Variants in PCDH15 observed in about 807,000 individuals in gnomAD.
PCDH15 encodes protocadherin-15.
PCDH15 carries 129 observed loss-of-function variants against 178.5 expected under a neutral mutation model. That is an observed-to-expected ratio of 0.72 (90% confidence interval 0.63 to 0.84). PCDH15 has a LOEUF of 0.84. Among genes scored for constraint, PCDH15 ranks in the 40% least tolerant of loss-of-function variants. The pLI is 0.00. For synonymous variants in PCDH15, 800 were observed against 732.0 expected (o/e 1.09, Z -1.50); for missense variants, 2,230 against 2,099.9 (o/e 1.06, Z -1.21).
intron 3 of PCDH15, among the ~76,000 whole-genome samples, chr10:54,460,408 A>C (rs1298828027): frequency 1.3e-5 from 2 of 152,096 alleles, no homozygotes; most frequent in Non-Finnish European, 2.9e-5. Flanking sequence ...GAAAGGAGTA[A>C]TATTACCATA....
chr10:53,902,845 T>C (rs1005657276), intron 26 of PCDH15, among the ~76,000 whole-genome samples: 2 of 152,044 alleles, frequency 1.3e-5, no homozygotes, highest in African/African-American at 4.8e-5. Context: ...AATTCACAAT[T>C]TCAGAAAAAA....
At chr10:55,338,799 A>T (rs1394046308) in intron 2 of PCDH15, among the ~76,000 whole-genome samples, 1 of 152,174 alleles carries the variant, frequency 6.6e-6, no homozygotes, top group East Asian at 1.9e-4. Flanking sequence ...AAACAAAAAA[A>T]CAAACAAACA....
chr10:54,040,453 C>T (rs923131140), intron 18 of PCDH15, among the ~76,000 whole-genome samples: 8 of 152,030 alleles, frequency 5.3e-5, no homozygotes, highest in African/African-American at 1.9e-4. Flanking sequence ...CCTCCCCAGC[C>T]ATGTGGAACT....
chr10:54,686,605 T>C (rs1479495293), intron 1 of PCDH15, among the ~76,000 whole-genome samples: 2 of 152,154 alleles, frequency 1.3e-5, no homozygotes, highest in African/African-American at 4.8e-5. Context: ...TAAAATTGTG[T>C]CCAATACCAT....
intron 8 of PCDH15, among the ~76,000 whole-genome samples, chr10:54,269,549 T>C (rs2057914394): frequency 6.6e-6 from 1 of 152,038 alleles, no homozygotes; most frequent in African/African-American, 2.4e-5. Flanking sequence ...GGAAGCCAAA[T>C]GAAATGCATT....
At chr10:55,270,024 A>C (rs565297533) in intron 1 of PCDH15, among the ~76,000 whole-genome samples, 242 of 152,314 alleles carry the variant, frequency 1.6e-3, no homozygotes, top group African/African-American at 5.1e-3. Context: ...AAAAACAAGC[A>C]ATGAGGAAAG....
chr10:55,020,791 T>C (rs1177450456), intron 2 of PCDH15, among the ~76,000 whole-genome samples: 1 of 152,166 alleles, frequency 6.6e-6, no homozygotes, highest in African/African-American at 2.4e-5. Flanking sequence ...GGTTTTCTGT[T>C]AAAATTTACC....
chr10:54,394,587 C>T (rs1393506481), intron 3 of PCDH15, among the ~76,000 whole-genome samples: 3 of 152,084 alleles, frequency 2.0e-5, no homozygotes, highest in Non-Finnish European at 4.4e-5. Context: ...ATCACAGGAC[C>T]GCAGGACCGA....
At chr10:54,422,785 A>C (rs891821455) in intron 3 of PCDH15, among the ~76,000 whole-genome samples, 1 of 152,186 alleles carries the variant, frequency 6.6e-6, no homozygotes, top group Non-Finnish European at 1.5e-5. Flanking sequence ...AAGTTTCTAC[A>C]CTTGATTTTG....
chr10:54,863,120 C>G (rs1361693949), intron 3 of PCDH15, among the ~76,000 whole-genome samples: 1 of 152,006 alleles, frequency 6.6e-6, no homozygotes, highest in Admixed American at 6.6e-5. Context: ...CCTGTTTTAA[C>G]CTTTTATAGA....
rs557760011 is a variant in PCDH15, at chr10:55,250,560, G to A, written c.-156+69039C>T. ...TTTTTTTTTTTTTTTTTTTTGAGAT[G>A]GAGTCTCGCTCTGTCACTCAGGCTG... is the stretch of plus-strand genomic sequence containing the variant. On this transcript the variant is annotated intron_variant, in intron 1 of 5. Coordinates refer to the PCDH15 transcript ENST00000458638. 6.0e-4 allele frequency among the ~76,000 whole-genome samples: 66 copies of A among 110,478 alleles called. 1 individual carries two copies. The South Asian group carries it at 0.014, about 24-fold the overall frequency. The allele number at this position is 110,478 out of a possible 152,430, so 72.5% of individuals were successfully genotyped here.
At chr10:55,100,455 C>T (rs1180757532) in intron 2 of PCDH15, among the ~76,000 whole-genome samples, 1 of 152,034 alleles carries the variant, frequency 6.6e-6, no homozygotes, top group Admixed American at 6.6e-5. Context: ...ATACTTGAAC[C>T]TGGGCAATTT....
chr10:54,457,173 A>G (rs970182992), intron 3 of PCDH15, among the ~76,000 whole-genome samples: 12 of 152,314 alleles, frequency 7.9e-5, no homozygotes, highest in African/African-American at 2.9e-4. Context: ...AATTCAAAGC[A>G]CAATTTTGTA....
chr10:54,255,826 C>T (rs1172779517), intron 8 of PCDH15, among the ~76,000 whole-genome samples: 1 of 152,106 alleles, frequency 6.6e-6, no homozygotes, highest in Non-Finnish European at 1.5e-5. Context: ...GATTTACAAC[C>T]CTGGCCCAAG....
chr10:54,160,560 T>C (rs1241050102), intron 13 of PCDH15, among the ~76,000 whole-genome samples: 1 of 152,064 alleles, frequency 6.6e-6, no homozygotes, highest in East Asian at 1.9e-4. Flanking sequence ...AAAAATAAAC[T>C]TCCTAAAAAT....
chr10:55,279,939 G>A (rs977079909), intron 1 of PCDH15, among the ~76,000 whole-genome samples: 16 of 152,014 alleles, frequency 1.1e-4, no homozygotes, highest in East Asian at 1.9e-4. Flanking sequence ...TTAATATTAG[G>A]AGCTTTTGAA....
intron 3 of PCDH15, among the ~76,000 whole-genome samples, chr10:54,481,834 G>A (rs1331765247): frequency 1.3e-5 from 2 of 151,078 alleles, no homozygotes; most frequent in East Asian, 1.9e-4. Context: ...TTTTATACAA[G>A]CTTTGGTCAG....
chr10:54,206,897 G>C (rs1238373004), intron 10 of PCDH15, among the ~76,000 whole-genome samples: 1 of 152,018 alleles, frequency 6.6e-6, no homozygotes, highest in Non-Finnish European at 1.5e-5. Flanking sequence ...TGCAGAGTGG[G>C]GAGACGTGAC....
intron 2 of PCDH15, among the ~76,000 whole-genome samples, chr10:55,426,642 G>A (rs1278364047): frequency 6.6e-6 from 1 of 152,152 alleles, no homozygotes; most frequent in Non-Finnish European, 1.5e-5. Flanking sequence ...AACAGCGAGG[G>A]CAAAGGGTCA....
Sources: allele counts gnomAD v4.1 joint callset (sites outside exome capture counted in the v4.1 genomes callset), GRCh38; gene constraint gnomAD v4.1.1; transcripts MANE v1.5; gene names NCBI Gene and HGNC (gene_info 2026-07-23, HGNC 2026-07-21).